The following VANGL1 variants were observed in gnomAD, a reference collection of about 807,000 sequenced individuals.
VANGL1 encodes the protein vang-like protein 1.
In VANGL1, 18 loss-of-function variants were observed where a neutral mutation model predicts 48.4. That is an observed-to-expected ratio of 0.37 (90% CI 0.26 to 0.55). The LOEUF (loss-of-function observed/expected upper bound fraction) is 0.55. Among genes scored for constraint, VANGL1 ranks in the 20% least tolerant of loss-of-function variants. The pLI is 0.81. For missense variants in VANGL1, 667 were observed against 675.8 expected, an observed-to-expected ratio of 0.99 and a Z score of 0.14; for synonymous variants, 257 against 261.8, an observed-to-expected ratio of 0.98 and a Z score of 0.18.
rs111323359 is a variant in VANGL1, at chr1:115,678,887, G to A, written c.813-3477G>A. 7.3e-5 allele frequency among the ~76,000 whole-genome samples: 11 copies of A among 151,572 alleles called. 2 individuals are homozygous for A. The highest frequency in any genetic ancestry group is 2.4e-4 in the African/African-American group (10 of 41,266). On this transcript the variant is annotated intron_variant, in intron 4 of 7. Transcript: ENST00000355485. ...GGAGAATCCCTTGAACCTGGAGGTG[G>A]AGGTTGCAGTGAGCCGAGATTGCGC...
Position 115,664,221 on chromosome 1 carries a change from C to A in VANGL1, c.765C>A (p.Val255=), listed in dbSNP as rs368722418. ...QLQPMFTLQV[V]RSTDGESRFY... ...AGCCCATGTTCACGCTGCAGGTGGTCCGCTCCACCGATGGCGAGTCCCGCT... is the reference window on the plus strand; with the variant it reads ...AGCCCATGTTCACGCTGCAGGTGGTACGCTCCACCGATGGCGAGTCCCGCT... The change falls in exon 4 of 8, where the codon GTC becomes GTA. Residue 255 remains valine, a synonymous_variant. Transcript: ENST00000355485. 1 of 1,613,962 alleles carries A rather than the reference C, an allele frequency of 6.2e-7. No individual in the cohort carries two copies. The highest frequency in any genetic ancestry group is 2.2e-5 in the East Asian group (1 of 44,862).
Position 115,661,048 on chromosome 1 carries a change from G to T in VANGL1, c.204+1275G>T, listed in dbSNP as rs1342191981. Among the ~76,000 whole-genome samples the T allele has an allele frequency of 2.0e-5, 3 of 152,282 alleles. No individual in the cohort carries two copies. In the East Asian group the frequency reaches 5.8e-4, roughly 29 times the overall value. Reference sequence around the variant, plus strand: ...CTCTGCATCTCCTCTGCACCTCGTAGCTGAGAACACTTTGAGAAGCTCTTG... The same window carrying T: ...CTCTGCATCTCCTCTGCACCTCGTATCTGAGAACACTTTGAGAAGCTCTTG... On this transcript the variant is annotated intron_variant, in intron 3 of 7. Coordinates refer to ENST00000355485, the MANE Select transcript of VANGL1 (RefSeq NM_138959.3).
chr1:115,685,230 A>G (rs767768750), intron 6 of VANGL1, 63 bp from the exon 7 acceptor site: 10 of 1,584,648 alleles, frequency 6.3e-6, no homozygotes, highest in Non-Finnish European at 8.6e-6. Context: ...GACAAGCGTC[A>G]TTCTGTTCTC....
rs746227126 is a variant in VANGL1, at chr1:115,664,153, A to G, written c.697A>G (p.Ile233Val). The G allele has an allele frequency of 3.7e-6, 6 of 1,614,012 alleles. No homozygotes were observed. The highest frequency in any genetic ancestry group is 2.2e-5 in the East Asian group (1 of 44,858). Residue 233 changes from isoleucine to valine, a missense_variant, in exon 4 of 8, where the codon ATC (isoleucine) becomes GTC (valine). Ile to Val is a conservative substitution (Grantham distance 29). Transcript: ENST00000355485. Reference protein sequence around the residue: ...AVSLVDALLFIHYLAIVLLEL... With the variant: ...AVSLVDALLFVHYLAIVLLEL... ...CTCCCTTGTGGATGCCCTCCTCTTCATCCATTACCTGGCCATCGTCCTGCT... is the reference window on the plus strand; with the variant it reads ...CTCCCTTGTGGATGCCCTCCTCTTCGTCCATTACCTGGCCATCGTCCTGCT...
At position 115,694,557 on chromosome 1, in the gene VANGL1, G is replaced by A. The variant is rs1653965240; in HGVS notation, c.*3178G>A. On this transcript the variant is annotated 3_prime_UTR_variant, in exon 8 of 8. Coordinates refer to ENST00000355485, the MANE Select transcript of VANGL1 (RefSeq NM_138959.3). ...CTTTCGAGTGCATGTATTTACCTAA[G>A]GGCTGTAGCTCTGTGGGATGCTACC... The A allele has an allele frequency of 6.6e-6, 1 of 152,082 alleles. No homozygotes were observed. The highest frequency in any genetic ancestry group is 2.1e-4 in the South Asian group (1 of 4,814). The allele number at this position is 152,082 out of a possible 1,614,324, so 9.4% of individuals were successfully genotyped here.
intron 2 of VANGL1, among the ~76,000 whole-genome samples, chr1:115,656,690 G>C (rs1254651801): frequency 6.6e-6 from 1 of 152,218 alleles, no homozygotes; most frequent in Non-Finnish European, 1.5e-5. Flanking sequence ...TCACATTTGG[G>C]TGCTCCTGGG....
rs577862345 is a variant in VANGL1, at chr1:115,664,068, C to T, written c.612C>T (p.Tyr204=). The T allele has an allele frequency of 7.1e-5, 114 of 1,613,930 alleles. No homozygotes were observed. The highest frequency in any genetic ancestry group is 8.8e-5 in the Non-Finnish European group (104 of 1,180,026). ...FLFVVSYWLF[Y]GVRILDSRDR... Reference sequence around the variant, plus strand: ...TTGTGGTTTCCTATTGGCTTTTTTACGGGGTCCGCATTTTGGACTCTCGGG... The same window carrying T: ...TTGTGGTTTCCTATTGGCTTTTTTATGGGGTCCGCATTTTGGACTCTCGGG... Residue 204 remains tyrosine (Y), a synonymous_variant, in exon 4 of 8, where the codon TAC becomes TAT. Coordinates refer to ENST00000355485, the MANE Select transcript of VANGL1 (RefSeq NM_138959.3).
At chr1:115,644,752 C>T (rs567884081) in intron 1 of VANGL1, among the ~76,000 whole-genome samples, 2 of 152,306 alleles carry the variant, frequency 1.3e-5, no homozygotes, top group Admixed American at 6.5e-5. Flanking sequence ...ATATACATCA[C>T]ATAACTCCAG....
intron 4 of VANGL1, among the ~76,000 whole-genome samples, chr1:115,678,808 T>C (rs1653264702): frequency 6.6e-6 from 1 of 151,938 alleles, no homozygotes; most frequent in Non-Finnish European, 1.5e-5. Context: ...ATACAAAATT[T>C]AGCTGGGCGT....
At chr1:115,647,510 C>T (rs187129926) in intron 1 of VANGL1, among the ~76,000 whole-genome samples, 6 of 152,196 alleles carry the variant, frequency 3.9e-5, no homozygotes, top group East Asian at 1.9e-4. Flanking sequence ...AAGTTCACTT[C>T]GGATTTTATT....
intron 2 of VANGL1, among the ~76,000 whole-genome samples, chr1:115,652,938 A>C (rs964039962): frequency 6.6e-6 from 1 of 152,122 alleles, no homozygotes; most frequent in African/African-American, 2.4e-5. Flanking sequence ...ATATTTTGTA[A>C]TTTTTAGAAA....
At chr1:115,690,368 C>T (rs1446267390) in intron 7 of VANGL1, among the ~76,000 whole-genome samples, 1 of 152,228 alleles carries the variant, frequency 6.6e-6, no homozygotes, top group Non-Finnish European at 1.5e-5. Flanking sequence ...GCTGGAGGAA[C>T]AGCACATGTA....
Position 115,664,818 on chromosome 1 carries a change from C to T in VANGL1, c.812+550C>T, listed in dbSNP as rs369476626. 1.2e-3 allele frequency among the ~76,000 whole-genome samples: 181 copies of T among 152,188 alleles called. 5 individuals are homozygous for T. The South Asian group carries it at 0.036, about 30-fold the overall frequency. On this transcript the variant is annotated intron_variant, in intron 4 of 7. Transcript: ENST00000355485. ...TCCTTGAGTGTTGTGAAAATGTATG[C>T]GTGAGAAAAAGTTAGAAGTCAGTTG...
Position 115,664,041 on chromosome 1 carries a change from C to G in VANGL1, c.585C>G (p.Leu195=). The part of the protein sequence containing the change: ...FRALLLVLIF[L]FVVSYWLFYG... ...CCCTTTTGTTGGTCCTCATCTTTCT[C>G]TTTGTGGTTTCCTATTGGCTTTTTT... is the stretch of plus-strand genomic sequence containing the variant. Residue 195 remains leucine, a synonymous_variant, in exon 4 of 8, where the codon CTC becomes CTG. Coordinates refer to ENST00000355485, the MANE Select transcript of VANGL1 (RefSeq NM_138959.3). The G allele has an allele frequency of 6.2e-7, 1 of 1,614,162 alleles. No individual in the cohort carries two copies. Among genetic ancestry groups the G allele is most frequent in the Non-Finnish European group, 8.5e-7 (1 of 1,180,036 alleles).
At chr1:115,648,908 T>C (rs757874030) in intron 1 of VANGL1, among the ~76,000 whole-genome samples, 1 of 152,168 alleles carries the variant, frequency 6.6e-6, no homozygotes, top group African/African-American at 2.4e-5. Context: ...GGGTTAATTA[T>C]GAATCTAGAA....
At chr1:115,646,375 G>A (rs528032008) in intron 1 of VANGL1, among the ~76,000 whole-genome samples, 9 of 152,206 alleles carry the variant, frequency 5.9e-5, no homozygotes, top group East Asian at 5.8e-4. Flanking sequence ...GTGGGTGACC[G>A]GTGAGGCAAG....
intron 2 of VANGL1, among the ~76,000 whole-genome samples, chr1:115,652,359 TAAAG>T (rs370421974): frequency 1.6e-4 from 25 of 152,330 alleles, no homozygotes; most frequent in African/African-American, 5.5e-4. Flanking sequence ...AATGAATGAA[TAAAG>T]AAATCAGTGA....
At chr1:115,684,220 C>A in intron 6 of VANGL1, 144 bp downstream of exon 6, 1 of 867,200 alleles carries the variant, frequency 1.2e-6, no homozygotes, top group Non-Finnish European at 1.5e-6. Context: ...CTCACTGTCA[C>A]CTCTGCCTCC....
In VANGL1 at chr1:115,691,322, C is replaced by T. The variant is rs769532227; in HGVS notation, c.1518C>T (p.Phe506=). 16 of 1,614,116 alleles carry T rather than the reference C, an allele frequency of 9.9e-6. No individual in the cohort carries two copies. The highest frequency in any genetic ancestry group is 1.4e-5 in the Non-Finnish European group (16 of 1,180,048). The change falls in exon 8 of 8, where the codon TTC becomes TTT. Residue 506 remains phenylalanine, a synonymous_variant. Coordinates refer to ENST00000355485, the MANE Select transcript of VANGL1 (RefSeq NM_138959.3). The part of the protein sequence containing the change: ...KIPFIILSEE[F]IDPKSHKFVL... ...CATTCATCATACTCTCTGAAGAGTTCATAGACCCCAAATCTCACAAATTTG... is the reference window on the plus strand; with the variant it reads ...CATTCATCATACTCTCTGAAGAGTTTATAGACCCCAAATCTCACAAATTTG...
Sources: gnomAD v4.1 joint callset for allele counts (sites outside exome capture counted in the v4.1 genomes callset) on GRCh38, gnomAD v4.1.1 for gene constraint, MANE v1.5 for transcripts, NCBI Gene and HGNC (gene_info 2026-07-23, HGNC 2026-07-21) for gene names.